PDE8A: variants seen among roughly 807,000 people sequenced by gnomAD.
PDE8A encodes high affinity cAMP-specific and IBMX-insensitive 3',5'-cyclic phosphodiesterase 8A.
PDE8A carries 59 observed loss-of-function variants against 105.0 expected under a neutral mutation model. The ratio of observed to expected loss-of-function variants is 0.56; its 90% CI spans 0.46 to 0.70. The LOEUF (loss-of-function observed/expected upper bound fraction) is 0.70, where lower values mean the gene tolerates loss of function less well. PDE8A is among the 30% of genes least tolerant of loss of function. The pLI is 0.00. For missense variants in PDE8A, 1,014 were observed against 1,045.9 expected (o/e 0.97, Z 0.42); for synonymous variants, 355 against 371.9 (o/e 0.95, Z 0.52).
chr15:85,001,985 T>A (rs557707867), intron 1 of PDE8A, among the ~76,000 whole-genome samples: 4 of 152,214 alleles, frequency 2.6e-5, no homozygotes, highest in Admixed American at 2.6e-4. Context: ...CCTTTTTTTT[T>A]AAGAGATGGG....
chr15:85,025,423 GGGGGGTGGGTA>G (rs1407909736), intron 1 of PDE8A, among the ~76,000 whole-genome samples: 1 of 151,976 alleles, frequency 6.6e-6, no homozygotes, highest in Non-Finnish European at 1.5e-5. Context: ...GTTTTTTCCA[GGGGGGTGGGTA>G]GGGGGTGTGG....
intron 6 of PDE8A, among the ~76,000 whole-genome samples, chr15:85,086,194 G>T (rs1306652718): frequency 1.3e-5 from 2 of 152,070 alleles, no homozygotes. Context: ...ATGAATTAAA[G>T]ACTTAAATGT....
At chr15:85,063,324 A>C (rs186965951) in intron 1 of PDE8A, 1 of 152,132 alleles carries the variant, frequency 6.6e-6, no homozygotes, top group Non-Finnish European at 1.5e-5. Context: ...AGTCTTATGG[A>C]TCTAGTTCTT....
At position 85,109,150 on chromosome 15, in the gene PDE8A, G is replaced by C; in HGVS notation, c.1114+20G>C. On this transcript the variant is annotated intron_variant, in intron 12 of 21. Transcript: ENST00000394553. The stretch of plus-strand genomic sequence containing the variant: ...CTGAAGGTGAGTGACAAAGACAAGA[G>C]AAAAAAATGTGATCAAATCACTGTT... 6.4e-7 allele frequency: 1 copy of C among 1,557,378 alleles called. No individual in the cohort carries two copies. Among genetic ancestry groups the C allele is most frequent in the Non-Finnish European group, 8.8e-7 (1 of 1,130,322 alleles).
intron 1 of PDE8A, among the ~76,000 whole-genome samples, chr15:84,995,697 T>G (rs927243438): frequency 6.6e-6 from 1 of 152,222 alleles, no homozygotes; most frequent in Non-Finnish European, 1.5e-5. Flanking sequence ...TCTCAGTAGT[T>G]CATAATATTA....
chr15:85,095,470 A>G (rs931556594), intron 8 of PDE8A, among the ~76,000 whole-genome samples: 1 of 151,878 alleles, frequency 6.6e-6, no homozygotes, highest in African/African-American at 2.4e-5. Context: ...CAGCCTCCTG[A>G]GTAGCTGGGA....
At chr15:84,985,205 A>G (rs578205958) in intron 1 of PDE8A, among the ~76,000 whole-genome samples, 2 of 152,364 alleles carry the variant, frequency 1.3e-5, no homozygotes, top group East Asian at 3.9e-4. Context: ...TACAAGAAAT[A>G]TAATTAACAG....
intron 3 of PDE8A, among the ~76,000 whole-genome samples, chr15:85,074,049 T>A (rs1012940099): frequency 6.6e-6 from 1 of 151,924 alleles, no homozygotes; most frequent in Non-Finnish European, 1.5e-5. Flanking sequence ...GAGTACAGAG[T>A]GAACACAGAA....
chr15:85,076,020 C>A, intron 4 of PDE8A, 102 bp downstream of exon 4: 1 of 618,350 alleles, frequency 1.6e-6, no homozygotes, highest in Non-Finnish European at 2.9e-6. Context: ...AGGCATGCCC[C>A]TTTGTAGTGT....
chr15:85,037,921 ATTTCCCCTT>A (rs2080733843), intron 1 of PDE8A, among the ~76,000 whole-genome samples: 1 of 152,206 alleles, frequency 6.6e-6, no homozygotes, highest in African/African-American at 2.4e-5. Context: ...TAAGTAACTC[ATTTCCCCTT>A]GTAGATATAC....
intron 1 of PDE8A, among the ~76,000 whole-genome samples, chr15:84,997,256 C>T (rs973035225): frequency 1.3e-4 from 20 of 152,018 alleles, no homozygotes; most frequent in Admixed American, 3.3e-4. Context: ...TGCAGTGGTG[C>T]GATCTTGGCT....
Position 85,067,115 on chromosome 15 carries a change from T to C in PDE8A, c.345T>C (p.Ala115=). The change falls in exon 3 of 22, where the codon GCT becomes GCC. Residue 115 remains alanine (A), a synonymous_variant. Transcript: ENST00000394553. Reference sequence around the variant, plus strand: ...GTACAGTTACCAAGGAGGCTCAGGCTGTCCTTGCCTGTTTCCTGGACAAAC... The same window carrying C: ...GTACAGTTACCAAGGAGGCTCAGGCCGTCCTTGCCTGTTTCCTGGACAAAC... The part of the protein sequence containing the change: ...FKCTVTKEAQ[A]VLACFLDKHH... The C allele has an allele frequency of 1.2e-6, 2 of 1,613,230 alleles. No individual in the cohort carries two copies. The highest frequency in any genetic ancestry group is 8.5e-7 in the Non-Finnish European group (1 of 1,179,140).
rs1235924924 is a variant in PDE8A, at chr15:85,083,552, G to C, written c.547-4G>C. ...ATCCACAAAATTCCTCTTTCTGTTT[G>C]TAGAGGTATGTAGAAAACCCCAACA... On this transcript the variant is annotated splice_polypyrimidine_tract_variant and splice_region_variant and intron_variant, in intron 5 of 21. Coordinates refer to ENST00000394553, the MANE Select transcript of PDE8A (RefSeq NM_002605.3). The C allele has an allele frequency of 1.3e-6, 2 of 1,588,604 alleles. No individual in the cohort carries two copies. Among genetic ancestry groups the C allele is most frequent in the African/African-American group, 1.3e-5 (1 of 74,396 alleles).
chr15:85,031,919 C>T (rs764790652), intron 1 of PDE8A, among the ~76,000 whole-genome samples: 4 of 152,170 alleles, frequency 2.6e-5, no homozygotes, highest in Admixed American at 6.5e-5. Context: ...GCAGGTTACC[C>T]TCAGACACTT....
chr15:85,031,567 C>T (rs289390), intron 1 of PDE8A, among the ~76,000 whole-genome samples: 81,273 of 151,798 alleles, frequency 0.54, 21,821 homozygotes, highest in East Asian at 0.56. Context: ...ATAGCACACG[C>T]AGCAATACCA....
intron 1 of PDE8A, among the ~76,000 whole-genome samples, chr15:85,039,915 T>C (rs2080773209): frequency 6.6e-6 from 1 of 152,058 alleles, no homozygotes. Context: ...AGTAGAATGA[T>C]AATTACCAGA....
chr15:85,113,978 C>T lies in PDE8A; in HGVS notation c.1291C>T (p.Gln431Ter). ...AAGAACCACTGAGTTATATTCACCACAGTTTGGTGCTAAAGATGATGATCC... is the reference window on the plus strand; with the variant it reads ...AAGAACCACTGAGTTATATTCACCATAGTTTGGTGCTAAAGATGATGATCC... ...ILRTTELYSP[Q>*]FGAKDDDPHA... Residue 431 changes from glutamine to a stop codon, truncating the protein, a stop_gained, in exon 14 of 22, where the codon CAG (glutamine) becomes TAG (stop). Transcript: ENST00000394553. LOFTEE classifies it high-confidence loss of function. 1 of 1,613,848 alleles carries T rather than the reference C, an allele frequency of 6.2e-7. No homozygotes were observed. Among genetic ancestry groups the T allele is most frequent in the Non-Finnish European group, 8.5e-7 (1 of 1,179,692 alleles).
chr15:84,982,527 C>G (rs1362361623), intron 1 of PDE8A, among the ~76,000 whole-genome samples, 179 bp downstream of exon 1: 1 of 152,190 alleles, frequency 6.6e-6, no homozygotes, highest in Non-Finnish European at 1.5e-5. Flanking sequence ...CAGAGAAGGA[C>G]CGACCCAGGT....
At chr15:84,988,261 A>G (rs530598505) in intron 1 of PDE8A, among the ~76,000 whole-genome samples, 19 of 152,282 alleles carry the variant, frequency 1.2e-4, no homozygotes, top group Middle Eastern at 3.4e-3. Context: ...TTAACTAGCT[A>G]TGTTCATTGC....
Sources: allele counts gnomAD v4.1 joint callset (sites outside exome capture counted in the v4.1 genomes callset), GRCh38; gene constraint gnomAD v4.1.1; transcripts MANE v1.5; gene names NCBI Gene and HGNC (gene_info 2026-07-23, HGNC 2026-07-21).